CADPS2: variants seen among roughly 807,000 people sequenced by gnomAD.
CADPS2 encodes the protein calcium-dependent secretion activator 2.
In CADPS2, 93 loss-of-function variants were observed where a neutral mutation model predicts 172.5. The ratio of observed to expected loss-of-function variants is 0.54; its 90% CI spans 0.46 to 0.64. The LOEUF is 0.64. Ranked by LOEUF, CADPS2 falls within the 30% of genes least tolerant of loss-of-function variation. The pLI, the probability that CADPS2 is intolerant of heterozygous loss-of-function variation, is 0.00. For missense variants in CADPS2, 1,420 were observed against 1,565.9 expected (o/e 0.91, Z 1.57); for synonymous variants, 546 against 555.2 (o/e 0.98, Z 0.23).
chr7:122,874,785 G>T (rs1820773388), intron 1 of CADPS2, among the ~76,000 whole-genome samples: 1 of 152,108 alleles, frequency 6.6e-6, no homozygotes, highest in African/African-American at 2.4e-5. Context: ...ATGGAGAAAG[G>T]ATTTCCTATT....
Position 122,490,263 on chromosome 7 carries a change from A to C in CADPS2, c.1670T>G (p.Met557Arg), listed in dbSNP as rs1285306956. ...TCCTTCTTTAACAGCATTAAAGAAC[A>C]TACAACCACCCTGAAGGCCTGTGGA... Reference protein sequence around the residue: ...DPHPGLQGGCMFFNAVKEGDT... With the variant: ...DPHPGLQGGCRFFNAVKEGDT... The change falls in exon 11 of 30, where the codon ATG (methionine) becomes AGG (arginine). Residue 557 changes from methionine (M) to arginine (R), a missense_variant. By Grantham distance (91) the Met-to-Arg change is moderately conservative. Transcript: ENST00000449022. 6.2e-7 allele frequency: 1 copy of C among 1,613,076 alleles called. No homozygotes were observed. The highest frequency in any genetic ancestry group is 8.5e-7 in the Non-Finnish European group (1 of 1,179,400).
intron 2 of CADPS2, among the ~76,000 whole-genome samples, chr7:122,734,913 A>G (rs916698547): frequency 6.6e-5 from 10 of 152,142 alleles, no homozygotes; most frequent in African/African-American, 2.2e-4. Flanking sequence ...TACGAACAGA[A>G]GTATAGAAAA....
chr7:122,626,320 A>G (rs2076087085), intron 4 of CADPS2, among the ~76,000 whole-genome samples: 1 of 152,182 alleles, frequency 6.6e-6, no homozygotes, highest in Non-Finnish European at 1.5e-5. Context: ...GACAAAGATG[A>G]ATGGACCACA....
At chr7:122,801,994 A>G (rs1797761763) in intron 1 of CADPS2, among the ~76,000 whole-genome samples, 1 of 152,188 alleles carries the variant, frequency 6.6e-6, no homozygotes, top group Admixed American at 6.5e-5. Context: ...AAAATCTCTC[A>G]TAATAGAAAA....
intron 1 of CADPS2, among the ~76,000 whole-genome samples, chr7:122,760,592 G>C (rs1389916761): frequency 6.6e-6 from 1 of 151,920 alleles, no homozygotes. Context: ...ACTGGACTAA[G>C]AAAATGTGGC....
chr7:122,655,189 A>G (rs1192248073), intron 3 of CADPS2, among the ~76,000 whole-genome samples: 1 of 152,172 alleles, frequency 6.6e-6, no homozygotes, highest in Non-Finnish European at 1.5e-5. Flanking sequence ...TGAAATGATA[A>G]AGGATTTAGA....
intron 1 of CADPS2, among the ~76,000 whole-genome samples, chr7:122,779,188 T>C (rs966543628): frequency 2.6e-5 from 4 of 152,258 alleles, no homozygotes; most frequent in African/African-American, 9.6e-5. Context: ...CAGTCTTGGG[T>C]ATTTCCTCTT....
intron 3 of CADPS2, among the ~76,000 whole-genome samples, chr7:122,645,197 T>C (rs887561638): frequency 6.9e-6 from 1 of 144,234 alleles, no homozygotes; most frequent in African/African-American, 2.5e-5. Context: ...TATATACACA[T>C]ATATGTATAT....
intron 1 of CADPS2, among the ~76,000 whole-genome samples, chr7:122,853,371 G>A (rs888960869): frequency 6.6e-6 from 1 of 152,166 alleles, no homozygotes; most frequent in African/African-American, 2.4e-5. Flanking sequence ...CCAGATCCCG[G>A]GTTCTGCTCT....
chr7:122,321,743 G>C (rs948284789), intron 29 of CADPS2, among the ~76,000 whole-genome samples: 2 of 152,174 alleles, frequency 1.3e-5, no homozygotes, highest in East Asian at 3.9e-4. Flanking sequence ...GCCTCCCAAA[G>C]TGCTGGCATT....
intron 22 of CADPS2, among the ~76,000 whole-genome samples, chr7:122,392,276 T>C (rs1362193909): frequency 6.6e-6 from 1 of 152,042 alleles, no homozygotes; most frequent in African/African-American, 2.4e-5. Context: ...CTGATGATAG[T>C]AATAATAACA....
intron 1 of CADPS2, among the ~76,000 whole-genome samples, chr7:122,753,079 G>A (rs2093016691): frequency 1.3e-5 from 2 of 151,920 alleles, no homozygotes; most frequent in African/African-American, 2.4e-5. Flanking sequence ...ATGGCCCCGG[G>A]GTAAAATGAT....
At chr7:122,817,155 C>T (rs1283490469) in intron 1 of CADPS2, among the ~76,000 whole-genome samples, 2 of 152,192 alleles carry the variant, frequency 1.3e-5, no homozygotes, top group African/African-American at 4.8e-5. Flanking sequence ...GTTTGGTGGT[C>T]TCTTCAAACG....
intron 1 of CADPS2, among the ~76,000 whole-genome samples, chr7:122,752,186 A>C (rs1296893517): frequency 6.6e-6 from 1 of 152,230 alleles, no homozygotes; most frequent in Non-Finnish European, 1.5e-5. Flanking sequence ...TTCATACTGC[A>C]ACACATTACC....
intron 6 of CADPS2, among the ~76,000 whole-genome samples, chr7:122,598,277 T>C (rs1354535525): frequency 2.0e-5 from 3 of 151,584 alleles, no homozygotes; most frequent in Non-Finnish European, 4.4e-5. Context: ...CACATAAGAG[T>C]TGGGAAAAAA....
At position 122,554,323 on chromosome 7, in the gene CADPS2, A is replaced by G. The variant is rs1055484834; in HGVS notation, c.1475+227T>C. Among the ~76,000 whole-genome samples the G allele has an allele frequency of 2.0e-5, 3 of 152,234 alleles. 1 individual carries two copies. The highest frequency in any genetic ancestry group is 2.0e-4 in the Admixed American group (3 of 15,260). ...GTAATACTAACACAATCAAGTTCCA[A>G]TATCGTGGTAGCTCGCATACAGTTA... is the stretch of plus-strand genomic sequence containing the variant. On this transcript the variant is annotated intron_variant, in intron 8 of 29. Coordinates refer to ENST00000449022, the MANE Select transcript of CADPS2 (RefSeq NM_017954.11).
chr7:122,667,700 G>A (rs188230667), intron 2 of CADPS2, among the ~76,000 whole-genome samples: 35 of 152,246 alleles, frequency 2.3e-4, no homozygotes, highest in Admixed American at 1.8e-3. Context: ...CTCTGCTGGG[G>A]GGCCAGAGTA....
At chr7:122,782,018 T>C (rs1027352649) in intron 1 of CADPS2, among the ~76,000 whole-genome samples, 1 of 152,230 alleles carries the variant, frequency 6.6e-6, no homozygotes, top group Non-Finnish European at 1.5e-5. Flanking sequence ...TTAGTTTTCA[T>C]CACATAGGTC....
intron 3 of CADPS2, among the ~76,000 whole-genome samples, chr7:122,631,860 C>T (rs1003368773): frequency 6.6e-6 from 1 of 152,082 alleles, no homozygotes; most frequent in Non-Finnish European, 1.5e-5. Context: ...CTTGGTCAAT[C>T]ATTCCCCAGT....
Sources: gnomAD v4.1 joint callset for allele counts (sites outside exome capture counted in the v4.1 genomes callset) on GRCh38, gnomAD v4.1.1 for gene constraint, MANE v1.5 for transcripts, NCBI Gene and HGNC (gene_info 2026-07-23, HGNC 2026-07-21) for gene names.